Variants in MEG3 observed in about 807,000 individuals in gnomAD.
The protein encoded by MEG3 is maternally expressed 3.
exon 1 of MEG3, chr14:100,858,203 C>A (rs568563104): frequency 6.5e-6 from 1 of 152,680 alleles, no homozygotes; most frequent in South Asian, 2.1e-4. Flanking sequence ...CAGCCTGGTG[C>A]GTCCCCACCC....
rs142957887 is a variant in MEG3, at chr14:100,844,637, G to A, written n.3046-821G>A. ...AACGACTCTGATACATGATTAACTA[G>A]AGGCCTTGGTTCACATCATTAGGGC... On this transcript the variant is annotated intron_variant and non_coding_transcript_variant, in intron 2 of 3. Transcript: ENST00000398461. Among the ~76,000 whole-genome samples the A allele has an allele frequency of 4.5e-3, 681 of 152,216 alleles. 21 individuals carry two copies. The highest frequency in any genetic ancestry group is 0.032 in the Admixed American group (483 of 15,288).
chr14:100,852,648 C>T (rs552504324), upstream of MEG3: 22 of 291,040 alleles, frequency 7.6e-5, 1 homozygote, highest in South Asian at 4.9e-4. Flanking sequence ...AGAAGAAGAC[C>T]GGGAGGGTCT....
intron 2 of MEG3, among the ~76,000 whole-genome samples, chr14:100,839,962 A>G (rs1054373606): frequency 6.6e-6 from 1 of 152,092 alleles, no homozygotes; most frequent in Non-Finnish European, 1.5e-5. Flanking sequence ...CACTTTACTC[A>G]GGATAAACTG....
At position 100,841,215 on chromosome 14, in the gene MEG3, G is replaced by A. The variant is rs139687317; in HGVS notation, n.3046-4243G>A. On this transcript the variant is annotated intron_variant and non_coding_transcript_variant, in intron 2 of 3. Transcript: ENST00000398461. ...TGACAGGAGGGGGGCACAGGTCTCAGTCTTGGCTGGTCACTGACTTTGCTG... is the reference window on the plus strand; with the variant it reads ...TGACAGGAGGGGGGCACAGGTCTCAATCTTGGCTGGTCACTGACTTTGCTG... Among the ~76,000 whole-genome samples the A allele has an allele frequency of 4.5e-3, 687 of 152,350 alleles. 5 individuals are homozygous for A. Among genetic ancestry groups the A allele is most frequent in the Non-Finnish European group, 8.0e-3 (544 of 68,022 alleles).
downstream of MEG3, chr14:100,831,080 A>G (rs145581876): frequency 6.5e-6 from 1 of 153,136 alleles, no homozygotes; most frequent in African/African-American, 2.4e-5. Context: ...TGTAAAATCG[A>G]GAGTCCTGCT....
intron 2 of MEG3, among the ~76,000 whole-genome samples, chr14:100,838,623 C>A (rs1371255227): frequency 2.0e-5 from 3 of 152,178 alleles, no homozygotes; most frequent in African/African-American, 7.2e-5. Context: ...CCTGTCACAT[C>A]AGCGGAGGGC....
exon 1 of MEG3, chr14:100,859,982 A>T (rs1278747239): frequency 1.3e-5 from 2 of 152,440 alleles, no homozygotes; most frequent in African/African-American, 4.8e-5. Flanking sequence ...TGGCACGGTT[A>T]TTGTGGGCTT....
In MEG3 at chr14:100,845,442, T is replaced by C. The variant is rs1465324579; in HGVS notation, n.3046-16T>C. The C allele has an allele frequency of 2.2e-6, 1 of 456,356 alleles. No individual in the cohort carries two copies. The highest frequency in any genetic ancestry group is 4.4e-6 in the Non-Finnish European group (1 of 226,812). 28.3% of individuals were successfully genotyped at this position (456,356 alleles called of 1,614,324 possible). On this transcript the variant is annotated splice_polypyrimidine_tract_variant and intron_variant and non_coding_transcript_variant, in intron 2 of 3. Transcript: ENST00000398461. The surrounding 1 kb of genome is among the most constrained non-coding windows in gnomAD (Gnocchi z 5.2). ...AGTGAGGTTCTACTCTGTGACCTAG[T>C]GCCTTCTTGTTACAGCGGAAGCCAT...
At chr14:100,847,181 A>G (rs576242026) in intron 3 of MEG3, 1 of 152,320 alleles carries the variant, frequency 6.6e-6, no homozygotes, top group Admixed American at 6.5e-5. Flanking sequence ...AGAATAGCAA[A>G]GAAAGAAAGA....
exon 1 of MEG3, chr14:100,859,331 G>A (rs1275277137): frequency 6.6e-6 from 1 of 152,172 alleles, no homozygotes; most frequent in Non-Finnish European, 1.5e-5. Flanking sequence ...GGCAGTCACT[G>A]GTGGGTTTCC....
At chr14:100,827,713 C>T (rs962031178) in intron 1 of MEG3, among the ~76,000 whole-genome samples, 29 of 152,010 alleles carry the variant, frequency 1.9e-4, no homozygotes, top group African/African-American at 6.8e-4. Flanking sequence ...TGCCTGGGGG[C>T]GAAGGCGGGG....
intron 2 of MEG3, among the ~76,000 whole-genome samples, chr14:100,841,643 G>T (rs946951642): frequency 2.0e-5 from 3 of 152,208 alleles, no homozygotes; most frequent in African/African-American, 4.8e-5. Context: ...GTGGTCGGGG[G>T]GGGTCACAGT....
upstream of MEG3, chr14:100,852,459 T>C (rs1272181042): frequency 9.4e-6 from 5 of 532,406 alleles, no homozygotes; most frequent in Non-Finnish European, 1.9e-5. Context: ...GGGCCTGATG[T>C]GGTGCTGGGG....
exon 1 of MEG3, chr14:100,834,788 C>T: frequency 2.2e-6 from 1 of 456,708 alleles, no homozygotes; most frequent in South Asian, 1.5e-5. Flanking sequence ...CACAGCTGAG[C>T]CACTAGCTGG....
intron 2 of MEG3, among the ~76,000 whole-genome samples, chr14:100,839,415 G>A (rs941125784): frequency 2.6e-5 from 4 of 152,164 alleles, no homozygotes; most frequent in African/African-American, 9.7e-5. Flanking sequence ...TCCCATCCCC[G>A]ATTTGAGCAG....
upstream of MEG3, chr14:100,854,700 G>A (rs1036160628): frequency 1.3e-5 from 2 of 152,524 alleles, no homozygotes; most frequent in Admixed American, 1.3e-4. Flanking sequence ...TCAGTTAGTG[G>A]CCTTCCCACC....
exon 1 of MEG3, chr14:100,835,711 T>C (rs2037551013): frequency 1.2e-5 from 2 of 172,116 alleles, no homozygotes; most frequent in African/African-American, 2.4e-5. Flanking sequence ...CAGGAGCCAC[T>C]CCCACTCCAG....
At chr14:100,828,549 TTCCC>T (rs1159640386) in intron 1 of MEG3, among the ~76,000 whole-genome samples, 1 of 113,094 alleles carries the variant, frequency 8.8e-6, no homozygotes, top group East Asian at 3.5e-4. Context: ...CCCCTCCCTC[TTCCC>T]TCCCAGCCCC....
intron 1 of MEG3, chr14:100,836,121 G>A (rs1232051890): frequency 4.3e-5 from 18 of 416,034 alleles, no homozygotes; most frequent in Non-Finnish European, 8.0e-5. Context: ...TGGCTTTTCC[G>A]GGGCGCTTGC....
Sources: gnomAD v4.1 joint callset for allele counts (sites outside exome capture counted in the v4.1 genomes callset) on GRCh38, gnomAD v4.1.1 for gene constraint, Gnocchi (gnomAD v3.1) non-coding constraint, MANE v1.5 for transcripts, NCBI Gene and HGNC (gene_info 2026-07-23, HGNC 2026-07-21) for gene names.